The following DLGAP2 variants were observed in gnomAD, a reference collection of about 807,000 sequenced individuals.
The protein encoded by DLGAP2 is DLG associated protein 2, also known as disks large-associated protein 2.
In DLGAP2, 26 loss-of-function variants were observed where a neutral mutation model predicts 100.3. The ratio of observed to expected loss-of-function variants is 0.26; its 90% confidence interval spans 0.19 to 0.36. The LOEUF is 0.36. DLGAP2 is among the 10% of genes least tolerant of loss of function. DLGAP2 has a pLI of 1.00. For missense variants in DLGAP2, 1,858 were observed against 1,453.2 expected, an observed-to-expected ratio of 1.28 and a Z score of -4.53; for synonymous variants, 886 against 630.1, an observed-to-expected ratio of 1.41 and a Z score of -6.08.
chr8:1,225,188 C>T (rs1010594659), intron 2 of DLGAP2, among the ~76,000 whole-genome samples: 1 of 152,178 alleles, frequency 6.6e-6, no homozygotes, highest in African/African-American at 2.4e-5. Flanking sequence ...TGGATGTCCA[C>T]AGGGGTGGAT....
chr8:921,891 G>T (rs1319644499), intron 2 of DLGAP2, among the ~76,000 whole-genome samples: 2 of 152,202 alleles, frequency 1.3e-5, no homozygotes, highest in African/African-American at 2.4e-5. Context: ...CCAGTGGACG[G>T]CGAGACGTTC....
rs1164452167 is a variant in DLGAP2, at chr8:864,817, A to G, written c.19-43095A>G. Among the ~76,000 whole-genome samples the G allele has an allele frequency of 2.6e-5, 4 of 152,208 alleles. No homozygotes were observed. The East Asian group carries it at 7.7e-4, about 29-fold the overall frequency. On this transcript the variant is annotated intron_variant, in intron 1 of 14. Coordinates refer to ENST00000637795, the MANE Select transcript of DLGAP2 (RefSeq NM_001346810.2). ...TTTGTTTTTAAAAAGGGATGGCTGAAAATATTAAAATATAAAATATTAATA... is the reference window on the plus strand; with the variant it reads ...TTTGTTTTTAAAAAGGGATGGCTGAGAATATTAAAATATAAAATATTAATA...
chr8:1,575,453 T>A (rs1484390271), intron 6 of DLGAP2, among the ~76,000 whole-genome samples: 1 of 95,712 alleles, frequency 1.0e-5, no homozygotes, highest in Non-Finnish European at 2.0e-5. Context: ...AGGAGGATAT[T>A]CTTTATTATT....
At chr8:1,511,125 G>A (rs755836333) in intron 4 of DLGAP2, among the ~76,000 whole-genome samples, 1 of 152,258 alleles carries the variant, frequency 6.6e-6, no homozygotes, top group Non-Finnish European at 1.5e-5. Context: ...AATTTCCCTA[G>A]TGGGTGACCA....
At chr8:1,326,939 C>T (rs1041662399) in intron 3 of DLGAP2, among the ~76,000 whole-genome samples, 1 of 152,214 alleles carries the variant, frequency 6.6e-6, no homozygotes, top group Admixed American at 6.5e-5. Flanking sequence ...ATAAGATCAG[C>T]CGTGCTCTTT....
chr8:961,211 C>G (rs1014347428), intron 2 of DLGAP2, among the ~76,000 whole-genome samples: 2 of 152,220 alleles, frequency 1.3e-5, no homozygotes, highest in African/African-American at 2.4e-5. Context: ...CATACAATAT[C>G]AAGGCCACTG....
chr8:1,598,528 G>C (rs1796528713), intron 6 of DLGAP2, among the ~76,000 whole-genome samples: 1 of 152,078 alleles, frequency 6.6e-6, no homozygotes, highest in Non-Finnish European at 1.5e-5. Context: ...ATTAATTACT[G>C]CCTCAATTTC....
intron 13 of DLGAP2, among the ~76,000 whole-genome samples, chr8:1,696,125 T>G (rs75675172): frequency 1.2e-4 from 18 of 152,326 alleles, no homozygotes; most frequent in Admixed American, 1.0e-3. Context: ...CAGTTGAATG[T>G]TGACCCACCA....
intron 1 of DLGAP2, among the ~76,000 whole-genome samples, chr8:806,037 C>T (rs1796262397): frequency 6.6e-6 from 1 of 152,204 alleles, no homozygotes; most frequent in Non-Finnish European, 1.5e-5. Context: ...TTGCCAATTC[C>T]TTTTACAGAG....
At chr8:1,341,947 G>T (rs6558452) in intron 3 of DLGAP2, among the ~76,000 whole-genome samples, 1 of 151,884 alleles carries the variant, frequency 6.6e-6, no homozygotes, top group African/African-American at 2.4e-5. Flanking sequence ...GTTTTGATTT[G>T]TTTTGCTTTG....
chr8:1,156,585 C>CTGCT, intron 2 of DLGAP2, among the ~76,000 whole-genome samples: 1 of 151,916 alleles, frequency 6.6e-6, no homozygotes, highest in East Asian at 1.9e-4. Flanking sequence ...GCTCAGCCCC[C>CTGCT]CAGCCCAGCG....
intron 2 of DLGAP2, among the ~76,000 whole-genome samples, chr8:1,040,056 GCGTGGTCAGCTCGGTTTC>G (rs1238942417): frequency 5.2e-4 from 75 of 144,008 alleles, no homozygotes; most frequent in African/African-American, 1.1e-3. Flanking sequence ...GGCTCGGTGT[GCGTGGTCAGCTCGGTTTC>G]CGTGGTCAGC....
At chr8:886,364 A>C (rs1008458212) in intron 1 of DLGAP2, among the ~76,000 whole-genome samples, 1 of 151,574 alleles carries the variant, frequency 6.6e-6, no homozygotes, top group Non-Finnish European at 1.5e-5. Flanking sequence ...TTTTTCATCT[A>C]TCTCCTTAAA....
intron 3 of DLGAP2, among the ~76,000 whole-genome samples, chr8:1,361,747 C>T (rs907061666): frequency 4.6e-5 from 7 of 152,212 alleles, no homozygotes; most frequent in Non-Finnish European, 1.0e-4. Flanking sequence ...GCGAGTGAGT[C>T]GGAAATTTGT....
chr8:852,024 C>A (rs1373519379), intron 1 of DLGAP2, among the ~76,000 whole-genome samples: 1 of 152,250 alleles, frequency 6.6e-6, no homozygotes, highest in Non-Finnish European at 1.5e-5. Context: ...TAAACCCAAG[C>A]TCCCACCTGC....
At chr8:880,877 TCCTC>T (rs1797776320) in intron 1 of DLGAP2, among the ~76,000 whole-genome samples, 1 of 152,218 alleles carries the variant, frequency 6.6e-6, no homozygotes, top group Non-Finnish European at 1.5e-5. Flanking sequence ...GGTGGGTGCC[TCCTC>T]CATGCATAAA....
chr8:886,816 A>C (rs1273806051), intron 1 of DLGAP2, among the ~76,000 whole-genome samples: 1 of 152,220 alleles, frequency 6.6e-6, no homozygotes, highest in Non-Finnish European at 1.5e-5. Context: ...AATAGTTGCC[A>C]TGTGGCACTG....
intron 8 of DLGAP2, among the ~76,000 whole-genome samples, chr8:1,635,757 A>C (rs1429103206): frequency 6.6e-6 from 1 of 152,258 alleles, no homozygotes; most frequent in Non-Finnish European, 1.5e-5. Flanking sequence ...TATAATAATA[A>C]ATATTGAATA....
intron 4 of DLGAP2, among the ~76,000 whole-genome samples, chr8:1,516,097 GTGAC>G (rs1200615583): frequency 1.3e-5 from 2 of 150,904 alleles, no homozygotes; most frequent in African/African-American, 2.5e-5. Context: ...GCATGAATGA[GTGAC>G]TGAGTGAATG....
Sources: allele counts gnomAD v4.1 joint callset (sites outside exome capture counted in the v4.1 genomes callset), GRCh38; gene constraint gnomAD v4.1.1; transcripts MANE v1.5; gene names NCBI Gene and HGNC (gene_info 2026-07-23, HGNC 2026-07-21).